Variants in DIS3L2 observed in about 807,000 individuals in gnomAD.
DIS3L2 encodes the protein DIS3 like 3'-5' exoribonuclease 2, also known as DIS3-like exonuclease 2.
Under a neutral mutation model 97.5 loss-of-function variants are expected in DIS3L2, and 34 were observed. That is an observed-to-expected ratio of 0.35 (90% CI 0.27 to 0.46). The LOEUF is 0.46. Among genes scored for constraint, DIS3L2 ranks in the 20% least tolerant of loss-of-function variants. DIS3L2 has a pLI of 1.00. For missense variants in DIS3L2, 1,038 were observed against 1,146.0 expected, an observed-to-expected ratio of 0.91 and a Z score of 1.36; for synonymous variants, 435 against 445.2, an observed-to-expected ratio of 0.98 and a Z score of 0.29.
intron 6 of DIS3L2, among the ~76,000 whole-genome samples, chr2:232,099,285 GGCTT>G (rs1255023186): frequency 6.6e-6 from 1 of 151,538 alleles, no homozygotes; most frequent in Non-Finnish European, 1.5e-5. Context: ...ACACCATCGT[GGCTT>G]ACTGTATCCT....
chr2:232,302,361 A>G, intron 14 of DIS3L2, among the ~76,000 whole-genome samples: 1 of 151,892 alleles, frequency 6.6e-6, no homozygotes, highest in Non-Finnish European at 1.5e-5. Flanking sequence ...TGTTGTGCAC[A>G]TGTACCCTAG....
At chr2:232,089,281 G>A (rs1696763774) in intron 6 of DIS3L2, among the ~76,000 whole-genome samples, 1 of 152,148 alleles carries the variant, frequency 6.6e-6, no homozygotes, top group Non-Finnish European at 1.5e-5. Context: ...GTACTGCTAT[G>A]GGCCCCACCA....
intron 5 of DIS3L2, among the ~76,000 whole-genome samples, chr2:232,064,364 A>G (rs1695795323): frequency 6.6e-6 from 1 of 152,158 alleles, no homozygotes; most frequent in Non-Finnish European, 1.5e-5. Context: ...TGTGAAATTT[A>G]TCCATGTTGT....
chr2:232,020,602 A>G (rs374979374), intron 3 of DIS3L2, among the ~76,000 whole-genome samples: 1 of 152,156 alleles, frequency 6.6e-6, no homozygotes, highest in East Asian at 1.9e-4. Flanking sequence ...GATAGCTGGC[A>G]TACATGAGTG....
chr2:232,087,432 T>TC (rs1696694202), intron 5 of DIS3L2, 55 bp from the exon 6 acceptor site: 1 of 1,297,936 alleles, frequency 7.7e-7, no homozygotes, highest in African/African-American at 1.8e-5. Context: ...AAAAATCTGC[T>TC]CTTTTTTTTT....
At chr2:232,076,174 A>G (rs1696179609) in intron 5 of DIS3L2, among the ~76,000 whole-genome samples, 1 of 152,102 alleles carries the variant, frequency 6.6e-6, no homozygotes, top group South Asian at 2.1e-4. Flanking sequence ...TATTTTCACG[A>G]TTATTTGCCA....
intron 14 of DIS3L2, 27 bp from the exon 15 acceptor site, chr2:232,329,786 C>CCCGGGGGGCCA: frequency 2.3e-6 from 1 of 430,238 alleles, no homozygotes; most frequent in Non-Finnish European, 4.2e-6. Flanking sequence ...CCCCAGCGGT[C>CCCGGGGGGCCA]CCTCCCATCC....
At chr2:232,078,007 TTCTTTC>T (rs1184905030) in intron 5 of DIS3L2, among the ~76,000 whole-genome samples, 79 of 136,054 alleles carry the variant, frequency 5.8e-4, no homozygotes, top group Admixed American at 9.2e-4. Context: ...CTTTCTTTCT[TTCTTTC>T]TTTCTTTTTC....
intron 9 of DIS3L2, chr2:232,172,610 G>C (rs774901511): frequency 1.4e-5 from 7 of 485,752 alleles, no homozygotes; most frequent in Non-Finnish European, 2.6e-5. Flanking sequence ...TTTGTGTACA[G>C]GTTTTGGTGT....
chr2:232,184,198 T>A (rs1488587207), intron 9 of DIS3L2, among the ~76,000 whole-genome samples: 1 of 152,194 alleles, frequency 6.6e-6, no homozygotes, highest in Non-Finnish European at 1.5e-5. Context: ...AAGTAGTAGC[T>A]TTTCAGAGGA....
At chr2:232,061,158 G>A (rs555642702) in intron 5 of DIS3L2, among the ~76,000 whole-genome samples, 28 of 152,024 alleles carry the variant, frequency 1.8e-4, no homozygotes, top group Non-Finnish European at 3.2e-4. Context: ...TTGTCTGATT[G>A]CTCTAGCTAG....
At chr2:232,221,684 C>A (rs959441158) in intron 10 of DIS3L2, among the ~76,000 whole-genome samples, 3 of 151,966 alleles carry the variant, frequency 2.0e-5, no homozygotes, top group African/African-American at 7.2e-5. Context: ...ACCTGTAATC[C>A]CAGCTACTCA....
At chr2:232,212,956 G>A (rs549492726) in intron 10 of DIS3L2, among the ~76,000 whole-genome samples, 2 of 152,222 alleles carry the variant, frequency 1.3e-5, no homozygotes, top group Non-Finnish European at 2.9e-5. Context: ...GGAATCAGGA[G>A]TACAAGCTGG....
chr2:232,222,861 G>A (rs953982123), intron 10 of DIS3L2, among the ~76,000 whole-genome samples: 3 of 152,212 alleles, frequency 2.0e-5, no homozygotes, highest in Non-Finnish European at 4.4e-5. Context: ...ATAGTCATGC[G>A]AGGGCTCTGG....
At chr2:232,011,489 A>ATTACAGGC (rs1285070364) in intron 1 of DIS3L2, among the ~76,000 whole-genome samples, 75 of 151,464 alleles carry the variant, frequency 5.0e-4, no homozygotes, top group African/African-American at 1.8e-3. Flanking sequence ...AGTAGCTGGG[A>ATTACAGGC]GTACAGGCGT....
intron 13 of DIS3L2, among the ~76,000 whole-genome samples, chr2:232,284,966 A>T (rs1450956821): frequency 1.3e-5 from 2 of 152,188 alleles, no homozygotes; most frequent in Non-Finnish European, 2.9e-5. Context: ...CTTAGACAGG[A>T]GCCTTTTGAG....
chr2:232,227,241 C>T (rs188534839), intron 10 of DIS3L2, among the ~76,000 whole-genome samples: 7 of 152,188 alleles, frequency 4.6e-5, no homozygotes, highest in African/African-American at 1.4e-4. Context: ...AAATTGAGAG[C>T]GCTTGTAGTC....
chr2:232,011,764 C>T (rs1227852002), intron 1 of DIS3L2, among the ~76,000 whole-genome samples: 1 of 152,202 alleles, frequency 6.6e-6, no homozygotes, highest in Non-Finnish European at 1.5e-5. Context: ...ATTCTTGTGC[C>T]TCAGCCTCCT....
At chr2:232,204,761 G>A (rs1189768131) in intron 9 of DIS3L2, among the ~76,000 whole-genome samples, 1 of 152,146 alleles carries the variant, frequency 6.6e-6, no homozygotes, top group Non-Finnish European at 1.5e-5. Context: ...GCTGCACAGT[G>A]CACCGCCTCC....
Sources: allele counts gnomAD v4.1 joint callset (sites outside exome capture counted in the v4.1 genomes callset), GRCh38; gene constraint gnomAD v4.1.1; transcripts MANE v1.5; gene names NCBI Gene and HGNC (gene_info 2026-07-23, HGNC 2026-07-21).